The following ETFDH variants were observed in gnomAD, a reference collection of about 807,000 sequenced individuals.
ETFDH encodes the protein electron transfer flavoprotein dehydrogenase.
Under a neutral mutation model 73.2 loss-of-function variants are expected in ETFDH, and 61 were observed. The observed-to-expected ratio is 0.83, with a 90% confidence interval of 0.68 to 1.03. The LOEUF is 1.03. ETFDH is among the 50% of genes least tolerant of loss of function. The pLI, the probability that ETFDH is intolerant of heterozygous loss-of-function variation, is 0.00. For missense variants in ETFDH, 685 were observed against 745.0 expected, an observed-to-expected ratio of 0.92 and a Z score of 0.94; for synonymous variants, 243 against 253.3, an observed-to-expected ratio of 0.96 and a Z score of 0.39.
rs1413031405 is a variant in ETFDH, at chr4:158,709,582, A to G, written c.*1055A>G. Reference sequence around the variant, plus strand: ...TTACTGTATTGTGACATGTTTATTAAGCATGAACCCCTATCAGTACTCCTA... The same window carrying G: ...TTACTGTATTGTGACATGTTTATTAGGCATGAACCCCTATCAGTACTCCTA... On this transcript the variant is annotated 3_prime_UTR_variant, in exon 13 of 13. Coordinates refer to ENST00000511912, the MANE Select transcript of ETFDH (RefSeq NM_004453.4). The G allele has an allele frequency of 3.7e-6, 2 of 546,436 alleles. No homozygotes were observed. Among genetic ancestry groups the G allele is most frequent in the Non-Finnish European group, 6.3e-6 (2 of 314,964 alleles). The allele number at this position is 546,436 out of a possible 1,614,324, so 33.8% of individuals were successfully genotyped here.
intron 1 of ETFDH, 133 bp downstream of exon 1, chr4:158,672,623 C>A: frequency 1.1e-6 from 1 of 906,976 alleles, no homozygotes; most frequent in Non-Finnish European, 1.8e-6. Context: ...AAAGGTCACG[C>A]GCTGTCAGCC....
intron 1 of ETFDH, among the ~76,000 whole-genome samples, chr4:158,677,438 G>A (rs75933881): frequency 0.012 from 1,773 of 152,288 alleles, 27 homozygotes; most frequent in African/African-American, 0.038. Context: ...TAGGCTGCAG[G>A]TTGGACAAGC....
rs534566334 is a variant in ETFDH, at chr4:158,707,481, G to A, written c.1690+631G>A. Among the ~76,000 whole-genome samples, 3 of 152,056 alleles carry A rather than the reference G, an allele frequency of 2.0e-5. No homozygotes were observed. In the East Asian group the frequency reaches 5.8e-4, roughly 29 times the overall value. ...GCTCCTCTTACCCCCAGTCACCCAC[G>A]GTCTGAAAATAAGAAAATTCCAGAA... On this transcript the variant is annotated intron_variant, in intron 12 of 12. Coordinates refer to ENST00000511912, the MANE Select transcript of ETFDH (RefSeq NM_004453.4).
intron 5 of ETFDH, among the ~76,000 whole-genome samples, chr4:158,690,019 C>G (rs187165594): frequency 5.3e-5 from 8 of 152,196 alleles, no homozygotes; most frequent in Admixed American, 3.3e-4. Flanking sequence ...GCCTCCATTT[C>G]AGATTCTTTA....
chr4:158,690,431 C>T lies in ETFDH; in HGVS notation c.684+6C>T. 1.3e-6 allele frequency: 2 copies of T among 1,501,488 alleles called. No homozygotes were observed. The highest frequency in any genetic ancestry group is 1.9e-6 in the Non-Finnish European group (2 of 1,077,372). The allele number at this position is 1,501,488 out of a possible 1,614,324, so 93.0% of individuals were successfully genotyped here. ...AAAAGGATGGTGCACCAAAGGTAAA[C>T]CTTTTTAATAGTTACGTGCTTAATA... On this transcript the variant is annotated splice_donor_region_variant and intron_variant, in intron 6 of 12. Coordinates refer to ENST00000511912, the MANE Select transcript of ETFDH (RefSeq NM_004453.4).
chr4:158,675,085 T>A (rs977721045), intron 1 of ETFDH, among the ~76,000 whole-genome samples: 7 of 152,220 alleles, frequency 4.6e-5, no homozygotes, highest in Non-Finnish European at 8.8e-5. Context: ...TCATACAATA[T>A]ATACTATTTA....
intron 8 of ETFDH, among the ~76,000 whole-genome samples, chr4:158,698,519 C>A (rs2150312017): frequency 6.6e-6 from 1 of 151,772 alleles, no homozygotes; most frequent in South Asian, 2.1e-4. Flanking sequence ...TTATTTTTGC[C>A]CCAGTTGTAC....
chr4:158,688,390 C>CAAAA (rs34614893), intron 5 of ETFDH, among the ~76,000 whole-genome samples: 1 of 100,134 alleles, frequency 1.0e-5, no homozygotes, highest in Non-Finnish European at 2.0e-5. Flanking sequence ...GACTCTGTCT[C>CAAAA]AAAAAAAAAA....
At position 158,708,734 on chromosome 4, in the gene ETFDH, C is replaced by A; in HGVS notation, c.*207C>A. 1.9e-6 allele frequency: 1 copy of A among 516,522 alleles called. No homozygotes were observed. Among genetic ancestry groups the A allele is most frequent in the Non-Finnish European group, 3.4e-6 (1 of 289,952 alleles). 32.0% of individuals were successfully genotyped at this position (516,522 alleles called of 1,614,324 possible). A position where few individuals can be genotyped will look rare whatever the true frequency, so the allele number is the denominator to read the frequency against. ...AATAACCTTTATAAGAATGCAGCATCTTCCTACCTCTTCAGTTCTTCAGAG... is the reference window on the plus strand; with the variant it reads ...AATAACCTTTATAAGAATGCAGCATATTCCTACCTCTTCAGTTCTTCAGAG... On this transcript the variant is annotated 3_prime_UTR_variant, in exon 13 of 13. Transcript: ENST00000511912.
At chr4:158,707,445 T>C (rs1276994114) in intron 12 of ETFDH, among the ~76,000 whole-genome samples, 1 of 152,254 alleles carries the variant, frequency 6.6e-6, no homozygotes, top group African/African-American at 2.4e-5. Flanking sequence ...GTTTTTTAGC[T>C]GTACCGTTAG....
chr4:158,694,580 G>A (rs1774260416), intron 6 of ETFDH, among the ~76,000 whole-genome samples: 1 of 144,836 alleles, frequency 6.9e-6, no homozygotes, highest in South Asian at 2.2e-4. Context: ...GGCAACAAGA[G>A]CACAACTCTG....
chr4:158,680,394 C>A (rs1773819871), intron 1 of ETFDH, 73 bp from the exon 2 acceptor site: 1 of 1,023,252 alleles, frequency 9.8e-7, no homozygotes, highest in Non-Finnish European at 1.5e-6. Context: ...TATAGTCATT[C>A]ACTTATATTT....
rs770765347 is a variant in ETFDH, at chr4:158,706,193, C to T, written c.1290C>T (p.Leu430=). Residue 430 remains leucine (L), a synonymous_variant, in exon 11 of 13, where the codon CTC becomes CTT. Transcript: ENST00000511912. ...SENLQSKTIG[L]HVTEYEDNLK... ...ATTTCATGTTTTTAATAAAAGGACT[C>T]CATGTAACTGAATATGAGGACAATT... 6.2e-7 allele frequency: 1 copy of T among 1,603,638 alleles called. No individual in the cohort carries two copies. Among genetic ancestry groups the T allele is most frequent in the African/African-American group, 1.3e-5 (1 of 74,726 alleles).
At chr4:158,692,870 AAAGATTAAAAAAAAAAAAAC>A (rs1196392137) in intron 6 of ETFDH, among the ~76,000 whole-genome samples, 1 of 94,234 alleles carries the variant, frequency 1.1e-5, no homozygotes, top group Non-Finnish European at 2.1e-5. Flanking sequence ...AAAAAAAAAA[AAAGATTAAAAAAAAAAAAAC>A]ATATATATAT....
intron 9 of ETFDH, among the ~76,000 whole-genome samples, chr4:158,701,294 CTTAT>C (rs774698588): frequency 6.6e-6 from 1 of 152,188 alleles, no homozygotes; most frequent in African/African-American, 2.4e-5. Flanking sequence ...AAGCCACAGC[CTTAT>C]TTGAGAAAAG....
intron 6 of ETFDH, among the ~76,000 whole-genome samples, chr4:158,693,694 G>A (rs916908148): frequency 1.3e-5 from 2 of 151,850 alleles, no homozygotes; most frequent in East Asian, 3.9e-4. Context: ...TTTGGTGTAG[G>A]GTAAGCCACC....
At chr4:158,690,706 C>T (rs182902945) in intron 6 of ETFDH, among the ~76,000 whole-genome samples, 11 of 145,440 alleles carry the variant, frequency 7.6e-5, no homozygotes, top group Non-Finnish European at 1.4e-4. Flanking sequence ...AAGAAAGAAC[C>T]AACTTTGACT....
chr4:158,695,489 CT>C lies in ETFDH; in HGVS notation c.685-4del. 3 of 1,610,058 alleles carry C rather than the reference CT, an allele frequency of 1.9e-6. No individual in the cohort carries two copies. The highest frequency in any genetic ancestry group is 2.5e-6 in the Non-Finnish European group (3 of 1,177,192). ...AATGTTGCCATTTAACATGTTTTTG[CT>C]TTTCAGGCAACATTTGAGAGAGGAC... On this transcript the variant is annotated splice_region_variant and splice_polypyrimidine_tract_variant and intron_variant, in intron 6 of 12. Transcript: ENST00000511912.
At position 158,706,158 on chromosome 4, in the gene ETFDH, C is replaced by T. The variant is rs1399063740; in HGVS notation, c.1286-31C>T. The T allele has an allele frequency of 1.4e-5, 20 of 1,471,254 alleles. No individual in the cohort carries two copies. In the East Asian group the frequency reaches 1.8e-4, roughly 13 times the overall value. The allele number at this position is 1,471,254 out of a possible 1,614,324, so 91.1% of individuals were successfully genotyped here. Reference sequence around the variant, plus strand: ...TATTTTACACACATTTGGGCAGTTTCGCACTTAACATTTCATGTTTTTAAT... The same window carrying T: ...TATTTTACACACATTTGGGCAGTTTTGCACTTAACATTTCATGTTTTTAAT... On this transcript the variant is annotated intron_variant, in intron 10 of 12. Coordinates refer to ENST00000511912, the MANE Select transcript of ETFDH (RefSeq NM_004453.4).
Sources: gnomAD v4.1 joint callset for allele counts (sites outside exome capture counted in the v4.1 genomes callset) on GRCh38, gnomAD v4.1.1 for gene constraint, MANE v1.5 for transcripts, NCBI Gene and HGNC (gene_info 2026-07-23, HGNC 2026-07-21) for gene names.